KIF18A: variants seen among roughly 807,000 people sequenced by gnomAD.
KIF18A encodes the protein kinesin-like protein KIF18A.
Under a neutral mutation model 103.3 loss-of-function variants are expected in KIF18A, and 67 were observed. The ratio of observed to expected loss-of-function variants is 0.65; its 90% CI spans 0.53 to 0.79. The LOEUF is 0.79. Ranked by LOEUF, KIF18A falls within the 30% of genes least tolerant of loss-of-function variation. The pLI, the probability that KIF18A is intolerant of heterozygous loss-of-function variation, is 0.00. For synonymous variants in KIF18A, 367 were observed against 355.5 expected (o/e 1.03, Z -0.36); for missense variants, 1,032 against 1,062.5 (o/e 0.97, Z 0.40).
intron 13 of KIF18A, among the ~76,000 whole-genome samples, chr11:28,058,277 T>C (rs1161833312): frequency 6.6e-6 from 1 of 151,520 alleles, no homozygotes; most frequent in Non-Finnish European, 1.5e-5. Context: ...TCATAAAATA[T>C]GATATGATTA....
chr11:28,056,143 A>G (rs1433827975), intron 13 of KIF18A, among the ~76,000 whole-genome samples: 1 of 149,238 alleles, frequency 6.7e-6, no homozygotes, highest in Non-Finnish European at 1.5e-5. Flanking sequence ...TATGTTCAGT[A>G]CAGATGAAAC....
intron 10 of KIF18A, among the ~76,000 whole-genome samples, chr11:28,070,918 G>A (rs1333514401): frequency 1.3e-5 from 2 of 152,184 alleles, no homozygotes; most frequent in East Asian, 3.9e-4. Context: ...TTCGTGGCAT[G>A]TGCCTGTAGT....
chr11:28,047,813 T>G (rs1387753335), intron 13 of KIF18A, among the ~76,000 whole-genome samples: 1 of 152,136 alleles, frequency 6.6e-6, no homozygotes, highest in Non-Finnish European at 1.5e-5. Context: ...TGAAATGCTA[T>G]TTCCTATTAT....
intron 14 of KIF18A, 79 bp from the exon 15 acceptor site, chr11:28,035,573 A>G (rs554114457): frequency 4.1e-6 from 3 of 737,166 alleles, no homozygotes; most frequent in South Asian, 3.1e-5. Context: ...ATGTGTCCAT[A>G]ATTAGAAAAC....
At chr11:28,063,427 G>C (rs1244390120) in intron 11 of KIF18A, among the ~76,000 whole-genome samples, 1 of 151,902 alleles carries the variant, frequency 6.6e-6, no homozygotes, top group Admixed American at 6.6e-5. Flanking sequence ...CTTTTAAAGA[G>C]ACAAGACTTG....
intron 9 of KIF18A, among the ~76,000 whole-genome samples, chr11:28,078,221 G>C (rs552673031): frequency 2.0e-5 from 3 of 151,990 alleles, no homozygotes; most frequent in Non-Finnish European, 2.9e-5. Context: ...ACTCTATTGG[G>C]AATGAATATA....
At chr11:28,038,314 T>TAACA (rs1427025472) in intron 13 of KIF18A, among the ~76,000 whole-genome samples, 2 of 151,630 alleles carry the variant, frequency 1.3e-5, no homozygotes, top group Non-Finnish European at 3.0e-5. Flanking sequence ...ATGACATATG[T>TAACA]AACAATACAC....
Position 28,059,169 on chromosome 11 carries a change from C to T in KIF18A, c.1713-8G>A, listed in dbSNP as rs746018180. On this transcript the variant is annotated splice_region_variant and splice_polypyrimidine_tract_variant and intron_variant, in intron 12 of 16. Transcript: ENST00000263181. ...AGTAAAGCATTCAATACTCTATATA[C>T]AGAAGATGAGAAGAAAGGAGAGATA... 1 of 1,562,964 alleles carries T rather than the reference C, an allele frequency of 6.4e-7. No individual in the cohort carries two copies. Among genetic ancestry groups the T allele is most frequent in the Non-Finnish European group, 8.8e-7 (1 of 1,135,652 alleles).
chr11:28,047,451 G>C (rs540188569), intron 13 of KIF18A, among the ~76,000 whole-genome samples: 6 of 152,204 alleles, frequency 3.9e-5, no homozygotes, highest in Non-Finnish European at 8.8e-5. Context: ...CTTTAAAAGA[G>C]TGGTCCTAAC....
intron 1 of KIF18A, among the ~76,000 whole-genome samples, chr11:28,099,940 CAAG>C (rs1054462039): frequency 2.0e-5 from 3 of 152,052 alleles, no homozygotes; most frequent in Admixed American, 2.0e-4. Context: ...GTAATGTAGA[CAAG>C]AGACAACTCT....
At position 28,036,532 on chromosome 11, in the gene KIF18A, T is replaced by G. The variant is rs765797738; in HGVS notation, c.2081A>C (p.Asp694Ala). The G allele has an allele frequency of 1.2e-6, 2 of 1,611,382 alleles. No homozygotes were observed. The highest frequency in any genetic ancestry group is 1.7e-6 in the Non-Finnish European group (2 of 1,178,316). The change falls in exon 14 of 17, where the codon GAT becomes GCT. Residue 694 changes from aspartate to alanine, a missense_variant. Asp to Ala is a moderately radical substitution (Grantham distance 126). Coordinates refer to ENST00000263181, the MANE Select transcript of KIF18A (RefSeq NM_031217.4). ...AGGCTGAAGTTCTTTGCTAAGAGAA[T>G]CATTGAGCTGCACACTTTGAGATGG... ...SPPSQSVQLN[D>A]SLSKELQPIV...
chr11:28,061,839 CA>C (rs949953881), intron 12 of KIF18A, among the ~76,000 whole-genome samples: 23 of 151,124 alleles, frequency 1.5e-4, no homozygotes, highest in Middle Eastern at 3.4e-3. Context: ...TCCAATGTGA[CA>C]AAAAAAAGAT....
chr11:28,090,750 A>C lies in KIF18A; in HGVS notation c.589-23T>G, dbSNP rs186832882. 1.1e-5 allele frequency: 13 copies of C among 1,163,308 alleles called. No homozygotes were observed. The Admixed American group carries it at 1.7e-4, about 15-fold the overall frequency. 72.1% of individuals were successfully genotyped at this position (1,163,308 alleles called of 1,614,324 possible). On this transcript the variant is annotated intron_variant, in intron 4 of 16. Coordinates refer to ENST00000263181, the MANE Select transcript of KIF18A (RefSeq NM_031217.4). ...GGGCTGGAGAAGTTTAAGTAGAAGC[A>C]AAATTTAAAAATCAGCAATATATCT...
chr11:28,073,155 T>G (rs1465591153), intron 10 of KIF18A, among the ~76,000 whole-genome samples: 1 of 152,112 alleles, frequency 6.6e-6, no homozygotes, highest in African/African-American at 2.4e-5. Context: ...CCATTCATTG[T>G]GGTTCTGGCT....
At chr11:28,086,578 A>G (rs1851231534) in intron 6 of KIF18A, among the ~76,000 whole-genome samples, 1 of 152,234 alleles carries the variant, frequency 6.6e-6, no homozygotes, top group Non-Finnish European at 1.5e-5. Context: ...AAAACAGGAA[A>G]TTGAAGCTAA....
chr11:28,078,183 C>A (rs904459666), intron 9 of KIF18A, among the ~76,000 whole-genome samples: 3 of 152,000 alleles, frequency 2.0e-5, no homozygotes, highest in African/African-American at 7.2e-5. Flanking sequence ...AAAAACACTG[C>A]CAATTTACGT....
At chr11:28,058,662 CAAAAAAAAAAA>C (rs58273868) in intron 13 of KIF18A, among the ~76,000 whole-genome samples, 1 of 64,450 alleles carries the variant, frequency 1.6e-5, no homozygotes, top group South Asian at 1.1e-3. Context: ...ACCCTGTCAC[CAAAAAAAAAAA>C]AAAAAAAAAA....
intron 13 of KIF18A, among the ~76,000 whole-genome samples, chr11:28,038,627 A>C (rs1850523012): frequency 6.6e-6 from 1 of 151,738 alleles, no homozygotes; most frequent in Non-Finnish European, 1.5e-5. Context: ...AATACACTTA[A>C]ACAATCAGCA....
chr11:28,089,993 T>A (rs1851280858), intron 5 of KIF18A, among the ~76,000 whole-genome samples: 1 of 152,318 alleles, frequency 6.6e-6, no homozygotes, highest in South Asian at 2.1e-4. Flanking sequence ...ACTATATGAA[T>A]GGTTTGATTG....
Sources: gnomAD v4.1 joint callset for allele counts (sites outside exome capture counted in the v4.1 genomes callset) on GRCh38, gnomAD v4.1.1 for gene constraint, MANE v1.5 for transcripts, NCBI Gene and HGNC (gene_info 2026-07-23, HGNC 2026-07-21) for gene names.